STIL: variants seen among roughly 807,000 people sequenced by gnomAD.
STIL encodes the protein STIL centriolar assembly protein, also known as SCL-interrupting locus protein.
Under a neutral mutation model 110.1 loss-of-function variants are expected in STIL, and 55 were observed. The ratio of observed to expected loss-of-function variants is 0.50; its 90% CI spans 0.40 to 0.63. The LOEUF is 0.63. Among genes scored for constraint, STIL ranks in the 20% least tolerant of loss-of-function variants. STIL has a pLI of 0.00. For missense variants in STIL, 1,358 were observed against 1,530.0 expected (o/e 0.89, Z 1.87); for synonymous variants, 481 against 530.0 (o/e 0.91, Z 1.27).
At chr1:47,289,077 A>C (rs935659616) in intron 9 of STIL, among the ~76,000 whole-genome samples, 1 of 150,180 alleles carries the variant, frequency 6.7e-6, no homozygotes, top group Non-Finnish European at 1.5e-5. Flanking sequence ...AAAAAAAAAA[A>C]AAAAAAAAAC....
chr1:47,292,813 T>C (rs986410317), intron 8 of STIL, among the ~76,000 whole-genome samples: 1 of 152,218 alleles, frequency 6.6e-6, no homozygotes, highest in African/African-American at 2.4e-5. Flanking sequence ...TTTACATATG[T>C]CAATTTATTA....
chr1:47,278,467 C>G (rs1645053267), intron 12 of STIL, among the ~76,000 whole-genome samples: 1 of 151,856 alleles, frequency 6.6e-6, no homozygotes, highest in African/African-American at 2.4e-5. Flanking sequence ...GTCTAGACCA[C>G]GGCCTGTGAT....
chr1:47,314,883 C>A, upstream of STIL, among the ~76,000 whole-genome samples: 1 of 151,012 alleles, frequency 6.6e-6, no homozygotes, highest in East Asian at 2.0e-4. Flanking sequence ...CACCACCCAC[C>A]ACCACGCCCG....
Position 47,300,833 on chromosome 1 carries a change from C to T in STIL, c.454-681G>A, listed in dbSNP as rs79182259. ...CTCTTTGATTCCTTTCTTGTTACCA[C>T]AAATTGTCAAGTTAGTTCTCCCTCT... On this transcript the variant is annotated intron_variant, in intron 5 of 16. Coordinates refer to ENST00000371877, the MANE Select transcript of STIL (RefSeq NM_001048166.1). 5.2e-3 allele frequency among the ~76,000 whole-genome samples: 790 copies of T among 152,248 alleles called. 2 individuals carry two copies. The highest frequency in any genetic ancestry group is 0.03 in the East Asian group (156 of 5,180).
At chr1:47,271,524 A>G (rs1570104143) in intron 13 of STIL, among the ~76,000 whole-genome samples, 1 of 144,472 alleles carries the variant, frequency 6.9e-6, no homozygotes, top group Admixed American at 7.4e-5. Flanking sequence ...ATGCCATTGC[A>G]CTCCAGCCTG....
At chr1:47,292,029 GTTTTTTT>G (rs57716078) in intron 8 of STIL, among the ~76,000 whole-genome samples, 2 of 138,066 alleles carry the variant, frequency 1.4e-5, no homozygotes, top group South Asian at 2.3e-4. Flanking sequence ...CTTGTTTTTT[GTTTTTTT>G]TTTTTGTTAG....
chr1:47,270,600 G>T (rs1239619388), intron 13 of STIL, among the ~76,000 whole-genome samples: 1 of 150,860 alleles, frequency 6.6e-6, no homozygotes, highest in Non-Finnish European at 1.5e-5. Flanking sequence ...GACTACATTG[G>T]TGATGCATCA....
At chr1:47,284,747 G>A (rs528525407) in intron 10 of STIL, among the ~76,000 whole-genome samples, 4 of 152,086 alleles carry the variant, frequency 2.6e-5, no homozygotes, top group East Asian at 1.9e-4. Flanking sequence ...AAAATTAGCC[G>A]GGCGTGGTGA....
intron 5 of STIL, 55 bp downstream of exon 5, chr1:47,301,506 A>G: frequency 6.7e-7 from 1 of 1,492,434 alleles, no homozygotes; most frequent in Admixed American, 1.7e-5. Flanking sequence ...ACAGCATACT[A>G]AACATAGTTT....
intron 16 of STIL, among the ~76,000 whole-genome samples, chr1:47,253,240 T>G (rs906364004): frequency 1.3e-5 from 2 of 152,262 alleles, no homozygotes; most frequent in African/African-American, 4.8e-5. Flanking sequence ...TTCTATCTTA[T>G]TCTCCATTTC....
chr1:47,306,140 A>C (rs767194181), intron 2 of STIL, among the ~76,000 whole-genome samples: 2 of 152,214 alleles, frequency 1.3e-5, no homozygotes, highest in Non-Finnish European at 2.9e-5. Context: ...ATGTAAATTT[A>C]TGTATACACA....
Position 47,251,743 on chromosome 1 carries a change from T to A in STIL, c.3260A>T (p.Asn1087Ile). ...QLSQLSVTRS[N>I]QNNCDPFSLL... ...GCTGAATGGGTCACAATTATTTTGGTTCGATCGAGTGACAGACAGTTGTGA... is the reference window on the plus strand; with the variant it reads ...GCTGAATGGGTCACAATTATTTTGGATCGATCGAGTGACAGACAGTTGTGA... The change falls in exon 17 of 17, where the codon AAC becomes ATC. Residue 1087 changes from asparagine (N) to isoleucine (I), a missense_variant. Coordinates refer to ENST00000371877, the MANE Select transcript of STIL (RefSeq NM_001048166.1). The A allele has an allele frequency of 6.2e-7, 1 of 1,614,150 alleles. No individual in the cohort carries two copies.
rs1438336135 is a variant in STIL, at chr1:47,293,419, G to A, written c.872+39C>T. The A allele has an allele frequency of 1.6e-5, 24 of 1,519,490 alleles. No homozygotes were observed. In the Admixed American group the frequency reaches 3.7e-4, roughly 23 times the overall value. The allele number at this position is 1,519,490 out of a possible 1,614,324, so 94.1% of individuals were successfully genotyped here. ...GACCATAAACTATGAATGGGGGAAA[G>A]GATCGAAATAAAGTACTACAGAATA... On this transcript the variant is annotated intron_variant, in intron 8 of 16. Coordinates refer to ENST00000371877, the MANE Select transcript of STIL (RefSeq NM_001048166.1).
At chr1:47,299,199 T>C (rs1645730301) in intron 6 of STIL, among the ~76,000 whole-genome samples, 1 of 151,214 alleles carries the variant, frequency 6.6e-6, no homozygotes, top group African/African-American at 2.4e-5. Context: ...AATACAAAAA[T>C]TAGCCGGTGT....
intron 14 of STIL, among the ~76,000 whole-genome samples, chr1:47,267,350 T>C (rs1373484245): frequency 6.6e-6 from 1 of 152,216 alleles, no homozygotes; most frequent in South Asian, 2.1e-4. Context: ...TCTAGTTTTG[T>C]GGTAGCACGT....
rs145290891 is a variant in STIL at position 47,294,347 on chromosome 1, C to A, written c.786-803G>T. On this transcript the variant is annotated intron_variant, in intron 7 of 16. Transcript: ENST00000371877. ...TATCACCTCACTTTGATTTTAAATT[C>A]TTTAAGAAGCTTTAAACCTCAACAC... Among the ~76,000 whole-genome samples, 386 of 152,274 alleles carry A rather than the reference C, an allele frequency of 2.5e-3. 1 individual carries two copies. The highest frequency in any genetic ancestry group is 8.4e-3 in the African/African-American group (350 of 41,548).
intron 16 of STIL, among the ~76,000 whole-genome samples, chr1:47,253,264 C>G (rs933379712): frequency 3.3e-5 from 5 of 152,188 alleles, no homozygotes; most frequent in Non-Finnish European, 5.9e-5. Flanking sequence ...ATCTTACATT[C>G]CCTTTCCCCT....
chr1:47,291,526 C>T (rs1421358691), intron 8 of STIL, among the ~76,000 whole-genome samples: 2 of 151,942 alleles, frequency 1.3e-5, no homozygotes, highest in African/African-American at 4.8e-5. Context: ...TTTTAACATA[C>T]TATTTATTTT....
intron 13 of STIL, among the ~76,000 whole-genome samples, chr1:47,270,969 G>A (rs1036190103): frequency 6.6e-6 from 1 of 152,086 alleles, no homozygotes; most frequent in Non-Finnish European, 1.5e-5. Context: ...ATGAGCCACT[G>A]CGCCCAGCCA....
Sources: gnomAD v4.1 joint callset for allele counts (sites outside exome capture counted in the v4.1 genomes callset) on GRCh38, gnomAD v4.1.1 for gene constraint, MANE v1.5 for transcripts, NCBI Gene and HGNC (gene_info 2026-07-23, HGNC 2026-07-21) for gene names.